Variants in EPRS1 observed in about 807,000 individuals in gnomAD.
EPRS1 encodes the protein glutamyl-prolyl-tRNA synthetase 1.
Under a neutral mutation model 188.3 loss-of-function variants are expected in EPRS1, and 107 were observed. The observed-to-expected ratio is 0.57, with a 90% CI of 0.49 to 0.67. EPRS1 has a LOEUF of 0.67. EPRS1 is among the 30% of genes least tolerant of loss of function. The probability of loss-of-function intolerance (pLI) is 0.00; values close to 1 mark genes in which losing one functional copy is unlikely to be tolerated. For missense variants in EPRS1, 1,577 were observed against 1,802.2 expected (o/e 0.88, Z 2.26); for synonymous variants, 596 against 593.1 (o/e 1.00, Z -0.07).
chr1:220,022,423 T>C lies in EPRS1; in HGVS notation c.1039A>G (p.Asn347Asp). ...GTTGGATCTCTCATGCATCCATTGT[T>C]ACTACTCATGTCAATTTTTGCTCGC... is the stretch of plus-strand genomic sequence containing the variant. ...CLRAKIDMSS[N>D]NGCMRDPTLY... Residue 347 changes from asparagine to aspartate, a missense_variant, in exon 9 of 32, where the codon AAC becomes GAC. Asn to Asp is a conservative substitution (Grantham distance 23, BLOSUM62 1). This residue lies in a region of EPRS1 where 1,278 missense variants were observed against 1,457.4 expected (regional missense o/e 0.88). Coordinates refer to ENST00000366923, the MANE Select transcript of EPRS1 (RefSeq NM_004446.3). 1 of 1,614,166 alleles carries C rather than the reference T, an allele frequency of 6.2e-7. No individual in the cohort carries two copies. Among genetic ancestry groups the C allele is most frequent in the Non-Finnish European group, 8.5e-7 (1 of 1,180,006 alleles).
At chr1:219,975,513 T>G (rs1318365653) in intron 28 of EPRS1, among the ~76,000 whole-genome samples, 1 of 152,138 alleles carries the variant, frequency 6.6e-6, no homozygotes, top group Non-Finnish European at 1.5e-5. Flanking sequence ...CTGGGCTCAC[T>G]GCAACCTCCG....
At position 219,984,304 on chromosome 1, in the gene EPRS1, C is replaced by T. The variant is rs373228769; in HGVS notation, c.3039-47G>A. 3.0e-5 allele frequency: 40 copies of T among 1,324,632 alleles called. No individual in the cohort carries two copies. In the African/African-American group the frequency reaches 4.6e-4, roughly 15 times the overall value. 82.1% of individuals were successfully genotyped at this position (1,324,632 alleles called of 1,614,324 possible). A position where few individuals can be genotyped will look rare whatever the true frequency, so the allele number is the denominator to read the frequency against. ...GATAAATATCTTCATTCAGCAACTG[C>T]TTTAGGTTGAATAAAAATAAACCTC... On this transcript the variant is annotated intron_variant, in intron 20 of 31. Transcript: ENST00000366923.
In EPRS1 at chr1:220,042,969, C is replaced by T. The variant is rs906989429; in HGVS notation, c.47-2700G>A. 2.0e-5 allele frequency among the ~76,000 whole-genome samples: 3 copies of T among 152,052 alleles called. No individual in the cohort carries two copies. In the South Asian group the frequency reaches 6.2e-4, roughly 32 times the overall value. On this transcript the variant is annotated intron_variant, in intron 1 of 31. Transcript: ENST00000366923. The stretch of plus-strand genomic sequence containing the variant: ...CATCAACAACAACAAAAGTAAACTA[C>T]TGTCATAGACAAAAAGATATATGAA...
chr1:220,033,454 C>T, intron 4 of EPRS1, 48 bp downstream of exon 4: 1 of 1,393,962 alleles, frequency 7.2e-7, no homozygotes, highest in Non-Finnish European at 9.9e-7. Flanking sequence ...TTTTATCCAG[C>T]AAAATATTAA....
intron 12 of EPRS1, chr1:220,018,225 AGTTT>A: frequency 8.3e-7 from 1 of 1,204,864 alleles, no homozygotes; most frequent in Admixed American, 2.1e-5. Context: ...CATAATTCCA[AGTTT>A]GTTTGTTTCA....
intron 28 of EPRS1, among the ~76,000 whole-genome samples, chr1:219,977,001 G>T (rs1173968197): frequency 6.6e-6 from 1 of 152,044 alleles, no homozygotes; most frequent in African/African-American, 2.4e-5. Flanking sequence ...AGAATTACAG[G>T]AGTTGCTGGG....
chr1:219,990,265 A>G (rs1661094689), intron 18 of EPRS1, among the ~76,000 whole-genome samples: 1 of 152,158 alleles, frequency 6.6e-6, no homozygotes, highest in Non-Finnish European at 1.5e-5. Context: ...TCCCATTAGG[A>G]AATGGAATAT....
intron 2 of EPRS1, among the ~76,000 whole-genome samples, 190 bp from the exon 3 acceptor site, chr1:220,035,203 T>C (rs1265073975): frequency 6.6e-6 from 1 of 152,180 alleles, no homozygotes; most frequent in East Asian, 1.9e-4. Flanking sequence ...CAAGCTGGAG[T>C]GCAATGGTGT....
Position 220,033,566 on chromosome 1 carries a change from C to G in EPRS1, c.324G>C (p.Leu108=). The change falls in exon 4 of 32, where the codon CTG becomes CTC. Residue 108 remains leucine, a synonymous_variant. Transcript: ENST00000366923. ...TINELNHCLS[L]RTYLVGNSLS... is the part of the protein sequence containing the mutation. ...AGGAGTTTCCAACTAAGTATGTTCTCAGAGACAGGCAATGATTGAGTTCAT... is the reference window on the plus strand; with the variant it reads ...AGGAGTTTCCAACTAAGTATGTTCTGAGAGACAGGCAATGATTGAGTTCAT... The G allele has an allele frequency of 6.2e-7, 1 of 1,612,174 alleles. No individual in the cohort carries two copies. Among genetic ancestry groups the G allele is most frequent in the Non-Finnish European group, 8.5e-7 (1 of 1,178,454 alleles).
At chr1:220,002,121 A>T (rs2102577548) in intron 16 of EPRS1, among the ~76,000 whole-genome samples, 1 of 152,010 alleles carries the variant, frequency 6.6e-6, no homozygotes, top group East Asian at 1.9e-4. Flanking sequence ...CCTGAGGTCA[A>T]GAGTTCGAGA....
Position 220,007,245 on chromosome 1 carries a change from T to A in EPRS1, c.1699A>T (p.Thr567Ser). 1 of 1,613,874 alleles carries A rather than the reference T, an allele frequency of 6.2e-7. No homozygotes were observed. Among genetic ancestry groups the A allele is most frequent in the Non-Finnish European group, 8.5e-7 (1 of 1,179,822 alleles). Reference protein sequence around the residue: ...AETFSEGEMVTFINWGNLNIT... With the variant: ...AETFSEGEMVSFINWGNLNIT... ...TTGAGGTTGCCCCAATTTATAAATG[T>A]AACCATCTCACCCTCCGAAAAAGTC... Residue 567 changes from threonine (T) to serine (S), a missense_variant, in exon 14 of 32, where the codon ACA becomes TCA. This residue lies in a region of EPRS1 where 1,278 missense variants were observed against 1,457.4 expected (regional missense o/e 0.88). Transcript: ENST00000366923.
At chr1:220,039,177 CCT>C (rs1662246082) in intron 2 of EPRS1, among the ~76,000 whole-genome samples, 1 of 152,106 alleles carries the variant, frequency 6.6e-6, no homozygotes. Flanking sequence ...GCAACATTCC[CCT>C]GTCTGAAACT....
At chr1:219,978,982 G>T (rs1479333447) in intron 27 of EPRS1, among the ~76,000 whole-genome samples, 1 of 148,554 alleles carries the variant, frequency 6.7e-6, no homozygotes, top group Non-Finnish European at 1.5e-5. Flanking sequence ...TTCCCCCCCA[G>T]CCTCCCAAGT....
In EPRS1 at chr1:220,020,000, A is replaced by G; in HGVS notation, c.1337T>C (p.Leu446Pro). The change falls in exon 10 of 32, where the codon CTA becomes CCA. Residue 446 changes from leucine to proline, a missense_variant. Leu to Pro is a moderately conservative substitution (Grantham distance 98, BLOSUM62 -3). Transcript: ENST00000366923. ...RKLTWFVNEG[L>P]VDGWDDPRFP... is the part of the protein sequence containing the mutation. ...ACATTAAACATACCATCCATCTACT[A>G]GTCCTTCATTGACAAACCATGTGAG... The G allele has an allele frequency of 6.2e-7, 1 of 1,606,386 alleles. No homozygotes were observed. Among genetic ancestry groups the G allele is most frequent in the African/African-American group, 1.3e-5 (1 of 74,882 alleles).
intron 10 of EPRS1, 27 bp downstream of exon 10, chr1:220,019,961 G>T (rs1425722965): frequency 6.7e-7 from 1 of 1,486,470 alleles, no homozygotes; most frequent in Non-Finnish European, 9.4e-7. Context: ...CTTACTTCTT[G>T]TCAATTCTAA....
intron 1 of EPRS1, among the ~76,000 whole-genome samples, chr1:220,042,568 G>A (rs1272382431): frequency 1.3e-5 from 2 of 151,190 alleles, no homozygotes; most frequent in Non-Finnish European, 2.9e-5. Context: ...TAATGACATC[G>A]AAATAAATGA....
At chr1:219,990,736 T>C (rs561465842) in intron 18 of EPRS1, among the ~76,000 whole-genome samples, 5 of 152,314 alleles carry the variant, frequency 3.3e-5, no homozygotes, top group Admixed American at 2.6e-4. Flanking sequence ...ATTTATCTCT[T>C]AGAATACACA....
At chr1:220,027,109 G>A (rs926050832) in intron 6 of EPRS1, among the ~76,000 whole-genome samples, 6 of 150,836 alleles carry the variant, frequency 4.0e-5, no homozygotes, top group Admixed American at 2.6e-4. Context: ...GGCCAACATG[G>A]TGAAACCCCG....
intron 18 of EPRS1, among the ~76,000 whole-genome samples, chr1:219,989,737 T>C (rs1571664766): frequency 6.6e-6 from 1 of 152,282 alleles, no homozygotes; most frequent in Middle Eastern, 3.4e-3. Context: ...AGCTACTTTA[T>C]AACGTTTTCT....
Sources: gnomAD v4.1 joint callset for allele counts (sites outside exome capture counted in the v4.1 genomes callset) on GRCh38, gnomAD v4.1.1 for gene constraint, gnomAD v4.1.1 regional missense constraint, MANE v1.5 for transcripts, NCBI Gene and HGNC (gene_info 2026-07-23, HGNC 2026-07-21) for gene names.